The following CFAP20DC variants were observed in gnomAD, a reference collection of about 807,000 sequenced individuals.
CFAP20DC encodes CFAP20 domain containing.
CFAP20DC carries 84 observed loss-of-function variants against 101.7 expected under a neutral mutation model. The ratio of observed to expected loss-of-function variants is 0.83; its 90% CI spans 0.69 to 0.99. CFAP20DC has a LOEUF of 0.99. Ranked by LOEUF, CFAP20DC falls within the 50% of genes least tolerant of loss-of-function variation. The probability of loss-of-function intolerance (pLI) is 0.00; values close to 1 mark genes in which losing one functional copy is unlikely to be tolerated. For missense variants in CFAP20DC, 1,007 were observed against 970.3 expected (o/e 1.04, Z -0.50); for synonymous variants, 359 against 351.2 (o/e 1.02, Z -0.25).
At chr3:59,003,176 T>C (rs2093353744) in intron 4 of CFAP20DC, among the ~76,000 whole-genome samples, 1 of 152,240 alleles carries the variant, frequency 6.6e-6, no homozygotes, top group Non-Finnish European at 1.5e-5. Context: ...AAGGTAGATA[T>C]TTGTTTTATA....
intron 3 of CFAP20DC, among the ~76,000 whole-genome samples, chr3:58,730,745 T>C (rs1406239779): frequency 6.6e-6 from 1 of 152,192 alleles, no homozygotes; most frequent in African/African-American, 2.4e-5. Context: ...CCTCCCCAAA[T>C]GACAAACACA....
chr3:58,873,078 C>T (rs755794824), intron 7 of CFAP20DC, among the ~76,000 whole-genome samples: 15 of 146,230 alleles, frequency 1.0e-4, no homozygotes, highest in Admixed American at 6.1e-4. Flanking sequence ...TGCTGTAAGG[C>T]GGGTGCTCAA....
chr3:58,808,131 A>G (rs553863541), intron 14 of CFAP20DC, among the ~76,000 whole-genome samples: 67 of 152,336 alleles, frequency 4.4e-4, no homozygotes, highest in African/African-American at 1.5e-3. Flanking sequence ...CCAAGTTGGA[A>G]AACACTCTGC....
At chr3:58,887,502 T>TG (rs1386803505) in intron 6 of CFAP20DC, 1 of 152,204 alleles carries the variant, frequency 6.6e-6, no homozygotes, top group Admixed American at 6.5e-5. Context: ...AAGGATACAG[T>TG]GGCATACAAA....
chr3:58,810,461 A>T (rs1230599626), intron 14 of CFAP20DC, among the ~76,000 whole-genome samples: 1 of 152,134 alleles, frequency 6.6e-6, no homozygotes, highest in Non-Finnish European at 1.5e-5. Flanking sequence ...ACCACATCAT[A>T]ATCCCAATAG....
chr3:58,869,582 G>A lies in CFAP20DC; in HGVS notation c.853-92C>T, dbSNP rs2079969066. ...TAGAAAACATAATATTTGGACCAAT[G>A]AAGAGTGAGAAAAAAACTAGAGGAA... On this transcript the variant is annotated intron_variant, in intron 8 of 16. Transcript: ENST00000482387. The surrounding 1 kb of genome is among the most constrained non-coding windows in gnomAD (Gnocchi z 4.3). 9.1e-6 allele frequency: 9 copies of A among 984,526 alleles called. No individual in the cohort carries two copies. Among genetic ancestry groups the A allele is most frequent in the Non-Finnish European group, 1.1e-5 (8 of 704,610 alleles). The allele number at this position is 984,526 out of a possible 1,614,324, so 61.0% of individuals were successfully genotyped here.
rs1470562566 is a variant in CFAP20DC at position 58,729,078 on chromosome 3, G to T, written c.198-11450C>A. 6.6e-6 allele frequency among the ~76,000 whole-genome samples: 1 copy of T among 152,138 alleles called. No homozygotes were observed. The highest frequency in any genetic ancestry group is 1.5e-5 in the Non-Finnish European group (1 of 68,020). Reference sequence around the variant, plus strand: ...TATCCCAGCTCAAGTAAAACCTTCAGATGGCTGCAGTCTGGACCAAAAAAT... The same window carrying T: ...TATCCCAGCTCAAGTAAAACCTTCATATGGCTGCAGTCTGGACCAAAAAAT... On this transcript the variant is annotated intron_variant, in intron 3 of 3. Coordinates refer to the CFAP20DC transcript ENST00000486145. The surrounding 1 kb of genome is among the most constrained non-coding windows in gnomAD (Gnocchi z 4.4).
intron 14 of CFAP20DC, among the ~76,000 whole-genome samples, chr3:58,810,592 G>A (rs61525975): frequency 0.093 from 13,377 of 144,048 alleles, 1,223 homozygotes; most frequent in East Asian, 0.3. Flanking sequence ...CCCACAGCCA[G>A]TATCATACTG....
intron 16 of CFAP20DC, among the ~76,000 whole-genome samples, chr3:58,749,940 T>C (rs528304303): frequency 6.6e-6 from 1 of 152,302 alleles, no homozygotes; most frequent in Admixed American, 6.5e-5. Context: ...GGGCACCATG[T>C]CCGATAGTAA....
chr3:58,866,938 A>G (rs1278431319), intron 10 of CFAP20DC, among the ~76,000 whole-genome samples: 1 of 152,110 alleles, frequency 6.6e-6, no homozygotes, highest in Non-Finnish European at 1.5e-5. Context: ...GCAATATGTG[A>G]TAAAAAGAAT....
intron 15 of CFAP20DC, among the ~76,000 whole-genome samples, chr3:58,790,429 A>G (rs1253021985): frequency 1.3e-5 from 2 of 152,228 alleles, no homozygotes; most frequent in African/African-American, 2.4e-5. Context: ...TTCTCGCCCA[A>G]AAGTTGCCAT....
chr3:58,959,745 A>T (rs2090971893), intron 4 of CFAP20DC, among the ~76,000 whole-genome samples: 1 of 152,188 alleles, frequency 6.6e-6, no homozygotes, highest in Admixed American at 6.5e-5. Context: ...TTACCTTTGA[A>T]TTCCATATAA....
intron 14 of CFAP20DC, among the ~76,000 whole-genome samples, chr3:58,816,646 C>G (rs572215393): frequency 1.3e-5 from 2 of 152,272 alleles, no homozygotes; most frequent in African/African-American, 2.4e-5. Flanking sequence ...CCTACGCCCA[C>G]GGAATCTTGC....
rs1447427356 is a variant in CFAP20DC, at chr3:58,912,971, G to A, written c.550+737C>T. ...TTTTGCACACCCTTCCTAATTTGAT[G>A]ACTTTCCCACACAATGAGTCCTGCC... On this transcript the variant is annotated intron_variant, in intron 6 of 16. Coordinates refer to ENST00000482387, the MANE Select transcript of CFAP20DC (RefSeq NM_001394063.1). This position sits in a 1 kb window ranked among gnomAD's most constrained non-coding sequence, Gnocchi z 4.4. Among the ~76,000 whole-genome samples, 1 of 152,032 alleles carries A rather than the reference G, an allele frequency of 6.6e-6. No homozygotes were observed. Among genetic ancestry groups the A allele is most frequent in the Non-Finnish European group, 1.5e-5 (1 of 68,004 alleles).
intron 15 of CFAP20DC, among the ~76,000 whole-genome samples, chr3:58,774,201 G>A (rs997608757): frequency 6.6e-6 from 1 of 151,956 alleles, no homozygotes; most frequent in Non-Finnish European, 1.5e-5. Context: ...TGCTATCAAG[G>A]CCTACAGCTG....
chr3:58,995,975 A>AATCTATCTATCT (rs10688272), intron 4 of CFAP20DC, among the ~76,000 whole-genome samples: 11,156 of 145,144 alleles, frequency 0.077, 472 homozygotes, highest in African/African-American at 0.1. Flanking sequence ...CTGTATAATA[A>AATCTATCTATCT]ATCTATCTAT....
At chr3:58,931,715 T>C (rs1362918360) in intron 5 of CFAP20DC, among the ~76,000 whole-genome samples, 2 of 152,248 alleles carry the variant, frequency 1.3e-5, no homozygotes, top group African/African-American at 4.8e-5. Context: ...CTGAGGCTCC[T>C]GTCTGTTAGA....
chr3:59,048,681 A>G (rs1163175976), intron 1 of CFAP20DC, among the ~76,000 whole-genome samples: 2 of 152,250 alleles, frequency 1.3e-5, no homozygotes, highest in Non-Finnish European at 2.9e-5. Context: ...GAGAGCACTC[A>G]TAATGAGGCA....
intron 4 of CFAP20DC, among the ~76,000 whole-genome samples, chr3:58,952,715 T>C (rs544009932): frequency 6.6e-6 from 1 of 152,238 alleles, no homozygotes; most frequent in East Asian, 1.9e-4. Flanking sequence ...CGTCAGGCTG[T>C]TATATATAAA....
Sources: gnomAD v4.1 joint callset for allele counts (sites outside exome capture counted in the v4.1 genomes callset) on GRCh38, gnomAD v4.1.1 for gene constraint, Gnocchi (gnomAD v3.1) non-coding constraint, MANE v1.5 for transcripts, NCBI Gene and HGNC (gene_info 2026-07-23, HGNC 2026-07-21) for gene names.